Variants in CLVS1 observed in about 807,000 individuals in gnomAD.
The protein encoded by CLVS1 is clavesin 1.
CLVS1 carries 10 observed loss-of-function variants against 33.1 expected under a neutral mutation model. That is an observed-to-expected ratio of 0.30 (90% CI 0.19 to 0.51). The LOEUF (loss-of-function observed/expected upper bound fraction) is 0.51, where lower values mean the gene tolerates loss of function less well. Among genes scored for constraint, CLVS1 ranks in the 20% least tolerant of loss-of-function variants. The pLI, the probability that CLVS1 is intolerant of heterozygous loss-of-function variation, is 0.97. For missense variants in CLVS1, 343 were observed against 433.4 expected (o/e 0.79, Z 1.85); for synonymous variants, 163 against 166.1 (o/e 0.98, Z 0.14).
At chr8:61,403,262 G>A (rs1814839281) in intron 3 of CLVS1, among the ~76,000 whole-genome samples, 1 of 152,206 alleles carries the variant, frequency 6.6e-6, no homozygotes, top group Non-Finnish European at 1.5e-5. Flanking sequence ...TAAAGTGACT[G>A]GGAATAGCGG....
At chr8:61,022,534 T>A in the CLVS1 span, among the ~76,000 whole-genome samples, 3 of 152,338 alleles carry the variant, frequency 2.0e-5, no homozygotes, top group Non-Finnish European at 4.4e-5. Flanking sequence ...TAAATACATT[T>A]AAAAAAATCC....
chr8:61,465,309 T>C lies in CLVS1; in HGVS notation c.977+6767T>C, dbSNP rs528440762. The C allele has an allele frequency of 4.5e-4, 68 of 152,256 alleles. 1 individual carries two copies. The highest frequency in any genetic ancestry group is 1.5e-3 in the African/African-American group (61 of 41,556). The allele number at this position is 152,256 out of a possible 1,614,324, so 9.4% of individuals were successfully genotyped here. On this transcript the variant is annotated intron_variant, in intron 5 of 5. Coordinates refer to ENST00000325897, the MANE Select transcript of CLVS1 (RefSeq NM_173519.3). ...ACCGACCTTGGGACCCAATCACTTTTCGTAATCTGGCTTTTGGGCACAGAT... is the reference window on the plus strand; with the variant it reads ...ACCGACCTTGGGACCCAATCACTTTCCGTAATCTGGCTTTTGGGCACAGAT...
chr8:61,090,989 C>CT (rs111506009), intron 1 of CLVS1: 23 of 371,126 alleles, frequency 6.2e-5, no homozygotes, highest in South Asian at 3.2e-4. Context: ...ATGACCCATG[C>CT]CCCCCCACCA....
chr8:61,344,549 C>T (rs528993903), intron 2 of CLVS1, among the ~76,000 whole-genome samples: 1 of 152,286 alleles, frequency 6.6e-6, no homozygotes, highest in South Asian at 2.1e-4. Context: ...TACTGGATAA[C>T]CTCTCCCTCT....
intron 3 of CLVS1, among the ~76,000 whole-genome samples, chr8:61,397,788 C>T (rs566268621): frequency 8.5e-5 from 13 of 152,152 alleles, no homozygotes; most frequent in Admixed American, 3.3e-4. Context: ...GTATTGTTTC[C>T]TTTGTTGGAA....
upstream of CLVS1, among the ~76,000 whole-genome samples, chr8:61,285,687 G>A (rs1809761850): frequency 6.6e-6 from 1 of 152,166 alleles, no homozygotes; most frequent in South Asian, 2.1e-4. Flanking sequence ...CAGGGGGAGT[G>A]CCTTGTGTGT....
chr8:61,150,718 C>T (rs1038526782), intron 2 of CLVS1, among the ~76,000 whole-genome samples: 2 of 152,200 alleles, frequency 1.3e-5, no homozygotes, highest in Non-Finnish European at 2.9e-5. Context: ...CCCTTTGGTA[C>T]ATCATGGCCA....
intron 1 of CLVS1, among the ~76,000 whole-genome samples, chr8:61,059,614 C>G: frequency 6.6e-6 from 1 of 150,534 alleles, no homozygotes; most frequent in South Asian, 2.1e-4. Flanking sequence ...AGTTTGAGAC[C>G]AGCCTGCCAA....
intron 2 of CLVS1, among the ~76,000 whole-genome samples, chr8:61,307,125 G>A (rs529725531): frequency 7.9e-5 from 12 of 152,296 alleles, no homozygotes; most frequent in African/African-American, 2.9e-4. Flanking sequence ...TTAGTGTTGT[G>A]TAGACCAGCT....
chr8:61,316,102 T>C (rs7003255), intron 2 of CLVS1, among the ~76,000 whole-genome samples: 15,358 of 152,178 alleles, frequency 0.1, 1,866 homozygotes, highest in African/African-American at 0.28. Flanking sequence ...TGTATATGTG[T>C]CACGTTTTCT....
At chr8:60,980,647 T>A in the CLVS1 span, among the ~76,000 whole-genome samples, 1 of 152,086 alleles carries the variant, frequency 6.6e-6, no homozygotes, top group South Asian at 2.1e-4. Flanking sequence ...TTAGCTGGTA[T>A]GGTGGCACAT....
chr8:61,235,404 C>G (rs200101695), intron 2 of CLVS1, among the ~76,000 whole-genome samples: 12 of 152,274 alleles, frequency 7.9e-5, no homozygotes, highest in African/African-American at 2.9e-4. Flanking sequence ...ATGCACTTAC[C>G]TAGTACTGTG....
intron 5 of CLVS1, among the ~76,000 whole-genome samples, chr8:61,486,664 A>G (rs941238407): frequency 2.6e-4 from 40 of 152,184 alleles, no homozygotes; most frequent in African/African-American, 9.7e-4. Flanking sequence ...TTCTTGCTCC[A>G]GGTGAAAGAA....
intron 1 of CLVS1, among the ~76,000 whole-genome samples, chr8:61,121,368 T>C (rs1188688828): frequency 6.6e-6 from 1 of 152,172 alleles, no homozygotes; most frequent in Non-Finnish European, 1.5e-5. Flanking sequence ...AGACCAGAGC[T>C]GTTCCTATTC....
At chr8:61,272,092 T>C (rs1429313596) in intron 2 of CLVS1, among the ~76,000 whole-genome samples, 1 of 151,700 alleles carries the variant, frequency 6.6e-6, no homozygotes, top group Non-Finnish European at 1.5e-5. Flanking sequence ...CTAGTCTCGA[T>C]GGTCTTTACA....
chr8:61,397,044 A>G (rs931715666), intron 3 of CLVS1, among the ~76,000 whole-genome samples: 1 of 152,090 alleles, frequency 6.6e-6, no homozygotes, highest in Non-Finnish European at 1.5e-5. Flanking sequence ...TTGCTTGGTT[A>G]TATATCTAGG....
At chr8:61,110,583 T>C (rs1055845495) in intron 1 of CLVS1, among the ~76,000 whole-genome samples, 1 of 152,246 alleles carries the variant, frequency 6.6e-6, no homozygotes, top group Non-Finnish European at 1.5e-5. Flanking sequence ...TAACCACTTC[T>C]GAATGTACAG....
intron 3 of CLVS1, among the ~76,000 whole-genome samples, chr8:61,387,603 A>G (rs763068154): frequency 6.6e-6 from 1 of 151,452 alleles, no homozygotes; most frequent in African/African-American, 2.4e-5. Flanking sequence ...ACTGTACCCA[A>G]TGGGTAGTCT....
At chr8:61,397,525 C>T (rs1814575546) in intron 3 of CLVS1, among the ~76,000 whole-genome samples, 1 of 152,122 alleles carries the variant, frequency 6.6e-6, no homozygotes, top group Admixed American at 6.5e-5. Flanking sequence ...TTTCAATTTT[C>T]ATGAAGTTCA....
Sources: allele counts gnomAD v4.1 joint callset (sites outside exome capture counted in the v4.1 genomes callset), GRCh38; gene constraint gnomAD v4.1.1; transcripts MANE v1.5; gene names NCBI Gene and HGNC (gene_info 2026-07-23, HGNC 2026-07-21).